Variants in TRNT1 observed in about 807,000 individuals in gnomAD.
TRNT1 encodes the protein tRNA nucleotidyl transferase 1, also known as CCA tRNA nucleotidyltransferase 1, mitochondrial.
TRNT1 carries 44 observed loss-of-function variants against 45.6 expected under a neutral mutation model. That is an observed-to-expected ratio of 0.97 (90% confidence interval 0.76 to 1.24). The LOEUF is 1.24. Among genes scored for constraint, TRNT1 ranks in the 50% most tolerant of loss-of-function variants. TRNT1 has a pLI of 0.00. For synonymous variants in TRNT1, 201 were observed against 171.4 expected (o/e 1.17, Z -1.35); for missense variants, 633 against 504.4 (o/e 1.25, Z -2.44).
At chr3:3,128,481 C>G (rs181840853) in intron 1 of TRNT1, among the ~76,000 whole-genome samples, 4 of 151,646 alleles carry the variant, frequency 2.6e-5, no homozygotes, top group Admixed American at 2.0e-4. Context: ...CGCCTGTAAT[C>G]CCTGCTACTT....
chr3:3,132,786 A>G (rs1705099489), intron 2 of TRNT1, among the ~76,000 whole-genome samples: 1 of 149,504 alleles, frequency 6.7e-6, no homozygotes, highest in African/African-American at 2.4e-5. Context: ...CTGAGAAATG[A>G]GGTCCTAAGG....
At chr3:3,150,868 CA>C, downstream of TRNT1, 1 of 1,613,222 alleles carries the variant, frequency 6.2e-7, no homozygotes, top group Non-Finnish European at 8.5e-7. Context: ...CATCTGTTTA[CA>C]AGCAAAGTAT....
downstream of TRNT1, chr3:3,152,704 T>A: frequency 1.6e-6 from 2 of 1,252,758 alleles, no homozygotes; most frequent in Non-Finnish European, 2.3e-6. Context: ...CAGTTTTTAA[T>A]CCTTCAGTTT....
chr3:3,150,952 A>G (rs199720401), downstream of TRNT1: 6,930 of 1,614,022 alleles, frequency 4.3e-3, 324 homozygotes, highest in South Asian at 0.071. Context: ...TTAAGCCCCA[A>G]AATTTTTGAG....
intron 5 of TRNT1, among the ~76,000 whole-genome samples, chr3:3,146,191 C>G (rs1706008300): frequency 6.6e-6 from 1 of 151,316 alleles, no homozygotes; most frequent in Non-Finnish European, 1.5e-5. Context: ...AGTTTTAGTT[C>G]TTGCTAACCT....
intron 1 of TRNT1, among the ~76,000 whole-genome samples, chr3:3,128,477 T>A (rs898113682): frequency 6.6e-6 from 1 of 151,470 alleles, no homozygotes; most frequent in Non-Finnish European, 1.5e-5. Flanking sequence ...TGTGCGCCTG[T>A]AATCCCTGCT....
chr3:3,127,306 C>T (rs1704647706), intron 1 of TRNT1: 1 of 152,282 alleles, frequency 6.6e-6, no homozygotes, highest in African/African-American at 2.4e-5. Flanking sequence ...CGCGCCTTTT[C>T]AGGGCTGGGG....
chr3:3,150,079 G>T (rs542168380), downstream of TRNT1: 4 of 152,268 alleles, frequency 2.6e-5, no homozygotes, highest in South Asian at 8.3e-4. Context: ...AAATAATACA[G>T]TATCAAGTTT....
At chr3:3,134,312 T>C (rs543436873) in intron 2 of TRNT1, among the ~76,000 whole-genome samples, 9 of 152,330 alleles carry the variant, frequency 5.9e-5, no homozygotes, top group African/African-American at 2.2e-4. Context: ...TCTTATAATT[T>C]TTATGACTGC....
chr3:3,148,053 A>G lies in TRNT1; in HGVS notation c.1204A>G (p.Lys402Glu). 6.2e-7 allele frequency: 1 copy of G among 1,613,986 alleles called. No individual in the cohort carries two copies. The highest frequency in any genetic ancestry group is 8.5e-7 in the Non-Finnish European group (1 of 1,179,886). Residue 402 changes from lysine (K) to glutamate (E), a missense_variant, in exon 8 of 8, where the codon AAA becomes GAA. Lys to Glu is a moderately conservative substitution (Grantham distance 56). Transcript: ENST00000251607. ...DIRKVGISSG[K>E]EIGALLQQLR... is the part of the protein sequence containing the mutation. ...CAGAAAAGTGGGCATTTCTTCAGGA[A>G]AAGAAATTGGGGCTCTATTACAACA...
chr3:3,146,713 TGAA>T (rs1706052252), intron 6 of TRNT1, 90 bp downstream of exon 6: 2 of 1,221,478 alleles, frequency 1.6e-6, no homozygotes, highest in Non-Finnish European at 2.3e-6. Flanking sequence ...CTCATTTGGT[TGAA>T]GAATTCTTGG....
In TRNT1 at chr3:3,148,051, GA is replaced by G; in HGVS notation, c.1206del (p.Glu403LysfsTer26). Reference protein sequence around the residue: ...HDIRKVGISSGKEIGALLQQL... With the variant: ...HDIRKVGISSXKEIGALLQQL... The stretch of plus-strand genomic sequence containing the variant: ...ATCAGAAAAGTGGGCATTTCTTCAG[GA>G]AAAGAAATTGGGGCTCTATTACAAC... On this transcript the variant is annotated frameshift_variant, in exon 8 of 8. Coordinates refer to ENST00000251607, the MANE Select transcript of TRNT1 (RefSeq NM_182916.3). LOFTEE classifies it high-confidence loss of function. The G allele has an allele frequency of 6.2e-7, 1 of 1,613,888 alleles. No individual in the cohort carries two copies. Among genetic ancestry groups the G allele is most frequent in the Non-Finnish European group, 8.5e-7 (1 of 1,179,852 alleles).
rs749229642 is a variant in TRNT1 at position 3,148,074 on chromosome 3, C to G, written c.1225C>G (p.Gln409Glu). 3.1e-6 allele frequency: 5 copies of G among 1,613,872 alleles called. No individual in the cohort carries two copies. The Admixed American group carries it at 5.0e-5, about 16-fold the overall frequency. The change falls in exon 8 of 8, where the codon CAA (glutamine) becomes GAA (glutamate). Residue 409 changes from glutamine (Q) to glutamate (E), a missense_variant. Coordinates refer to ENST00000251607, the MANE Select transcript of TRNT1 (RefSeq NM_182916.3). Reference protein sequence around the residue: ...SSGKEIGALLQQLREQWKKSG... With the variant: ...SSGKEIGALLEQLREQWKKSG... ...AGGAAAAGAAATTGGGGCTCTATTACAACAGTTGCGAGAACAGTGGAAAAA... is the reference window on the plus strand; with the variant it reads ...AGGAAAAGAAATTGGGGCTCTATTAGAACAGTTGCGAGAACAGTGGAAAAA...
At chr3:3,151,827 G>GTAAACAAA (rs1553558823), downstream of TRNT1, among the ~76,000 whole-genome samples, 2 of 147,590 alleles carry the variant, frequency 1.4e-5, no homozygotes, top group African/African-American at 5.1e-5. Context: ...TTAAGCTGAA[G>GTAAACAAA]CAAACAAACA....
chr3:3,137,888 T>A (rs917238692), intron 3 of TRNT1, among the ~76,000 whole-genome samples: 1 of 152,172 alleles, frequency 6.6e-6, no homozygotes, highest in Non-Finnish European at 1.5e-5. Flanking sequence ...GATTGTGGAG[T>A]ATATTGTGAT....
chr3:3,149,447 T>TTTTATTTA (rs10686810), downstream of TRNT1: 5 of 151,794 alleles, frequency 3.3e-5, no homozygotes, highest in East Asian at 7.8e-4. Context: ...GATCAGAAAA[T>TTTTATTTA]TTTATTTGCT....
intron 1 of TRNT1, among the ~76,000 whole-genome samples, 152 bp from the exon 2 acceptor site, chr3:3,128,862 C>T (rs1645952520): frequency 6.6e-6 from 1 of 152,194 alleles, no homozygotes. Flanking sequence ...TAGACCTAGT[C>T]GTAATCCCTC....
chr3:3,139,267 A>G (rs1705499198), intron 3 of TRNT1, among the ~76,000 whole-genome samples: 1 of 152,160 alleles, frequency 6.6e-6, no homozygotes, highest in Non-Finnish European at 1.5e-5. Flanking sequence ...CAGTTTTCCT[A>G]TTTCAAACCT....
At chr3:3,150,992 T>G (rs1238699276), downstream of TRNT1, 2 of 1,614,028 alleles carry the variant, frequency 1.2e-6, no homozygotes, top group East Asian at 2.2e-5. Flanking sequence ...GGCCGTAAAC[T>G]TCCATCCAAT....
Sources: allele counts gnomAD v4.1 joint callset (sites outside exome capture counted in the v4.1 genomes callset), GRCh38; gene constraint gnomAD v4.1.1; transcripts MANE v1.5; gene names NCBI Gene and HGNC (gene_info 2026-07-23, HGNC 2026-07-21).